SEL1L3: variants seen among roughly 807,000 people sequenced by gnomAD.
SEL1L3 encodes the protein protein sel-1 homolog 3.
In SEL1L3, 76 loss-of-function variants were observed where a neutral mutation model predicts 142.8. The observed-to-expected ratio is 0.53, with a 90% confidence interval of 0.44 to 0.64. The LOEUF (loss-of-function observed/expected upper bound fraction) is 0.64, where lower values mean the gene tolerates loss of function less well. Among genes scored for constraint, SEL1L3 ranks in the 30% least tolerant of loss-of-function variants. The pLI, the probability that SEL1L3 is intolerant of heterozygous loss-of-function variation, is 0.00. For synonymous variants in SEL1L3, 504 were observed against 519.6 expected (o/e 0.97, Z 0.41); for missense variants, 1,262 against 1,381.7 (o/e 0.91, Z 1.37).
chr4:25,800,255 A>C lies in SEL1L3; in HGVS notation c.1956+2028T>G, dbSNP rs535038472. ...CTGGTGAATTAATAGATTTCTCAAC[A>C]AAAGGACATTTAAATCAACATATGA... On this transcript the variant is annotated intron_variant, in intron 11 of 23. Transcript: ENST00000399878. Among the ~76,000 whole-genome samples the C allele has an allele frequency of 1.5e-4, 23 of 152,352 alleles. No individual in the cohort carries two copies. The East Asian group carries it at 4.2e-3, about 28-fold the overall frequency.
At chr4:25,726,125 A>G in the SEL1L3 span, among the ~76,000 whole-genome samples, 1 of 151,974 alleles carries the variant, frequency 6.6e-6, no homozygotes, top group South Asian at 2.1e-4. Context: ...AGGTCAGAGT[A>G]TCAGTTCTCA....
intron 1 of SEL1L3, among the ~76,000 whole-genome samples, chr4:25,851,039 T>TG (rs1441221117): frequency 6.6e-6 from 1 of 151,998 alleles, no homozygotes; most frequent in Non-Finnish European, 1.5e-5. Context: ...TTAGTAGAGA[T>TG]GGGGTTTCAC....
intron 2 of SEL1L3, among the ~76,000 whole-genome samples, chr4:25,839,288 A>G (rs1716023471): frequency 6.6e-6 from 1 of 152,238 alleles, no homozygotes; most frequent in South Asian, 2.1e-4. Context: ...TTCCTAAGGA[A>G]GTCTGTGGAA....
At chr4:25,776,140 G>T (rs1719606499) in intron 17 of SEL1L3, 137 bp downstream of exon 17, 2 of 603,000 alleles carry the variant, frequency 3.3e-6, no homozygotes, top group Non-Finnish European at 6.0e-6. Flanking sequence ...ATCAGTCCAT[G>T]ATACTCTGAA....
At chr4:25,752,001 C>T (rs751262230) in intron 23 of SEL1L3, among the ~76,000 whole-genome samples, 1 of 150,452 alleles carries the variant, frequency 6.6e-6, no homozygotes, top group Non-Finnish European at 1.5e-5. Flanking sequence ...CTCAGCTACT[C>T]AGGAGGCTGA....
intron 20 of SEL1L3, among the ~76,000 whole-genome samples, chr4:25,764,026 T>C (rs888264899): frequency 6.6e-6 from 1 of 152,134 alleles, no homozygotes; most frequent in Non-Finnish European, 1.5e-5. Context: ...GGATTCCAAG[T>C]AGCAAATGTA....
the SEL1L3 span, among the ~76,000 whole-genome samples, chr4:25,735,008 T>C: frequency 6.6e-6 from 1 of 152,200 alleles, no homozygotes. Context: ...TTTCTGAGTT[T>C]GTGTACAGTT....
intron 11 of SEL1L3, among the ~76,000 whole-genome samples, 169 bp downstream of exon 11, chr4:25,802,114 G>A (rs894810018): frequency 2.6e-5 from 4 of 152,194 alleles, no homozygotes; most frequent in African/African-American, 9.7e-5. Flanking sequence ...CATTCAGCCT[G>A]AGAACACAGC....
chr4:25,770,937 G>A (rs1049657562), intron 17 of SEL1L3, among the ~76,000 whole-genome samples: 6 of 152,196 alleles, frequency 3.9e-5, no homozygotes, highest in Non-Finnish European at 8.8e-5. Flanking sequence ...AAACTTCTGA[G>A]ACAATGCCTC....
At chr4:25,804,434 G>A (rs151327485) in intron 10 of SEL1L3, 107 bp downstream of exon 10, 1 of 786,738 alleles carries the variant, frequency 1.3e-6, no homozygotes. Flanking sequence ...GATTTTTAAA[G>A]GTCTCCAAGG....
intron 23 of SEL1L3, among the ~76,000 whole-genome samples, chr4:25,749,295 G>C (rs1717437171): frequency 6.6e-6 from 1 of 151,918 alleles, no homozygotes; most frequent in African/African-American, 2.4e-5. Flanking sequence ...AAGTACTAAG[G>C]CATGTATTTT....
Position 25,862,861 on chromosome 4 carries a change from G to C in SEL1L3, c.-25C>G, listed in dbSNP as rs1428720455. On this transcript the variant is annotated 5_prime_UTR_variant, in exon 1 of 24. Transcript: ENST00000399878. ...TGGCGAGGCCGCCCGGATCCGGGCC[G>C]GAACAGGTCACCTGGTGCAGGGACC... 9.2e-7 allele frequency: 1 copy of C among 1,086,646 alleles called. No homozygotes were observed. Among genetic ancestry groups the C allele is most frequent in the African/African-American group, 1.7e-5 (1 of 59,412 alleles). 67.3% of individuals were successfully genotyped at this position (1,086,646 alleles called of 1,614,324 possible). A position where few individuals can be genotyped will look rare whatever the true frequency, so the allele number is the denominator to read the frequency against.
At chr4:25,723,787 T>C in the SEL1L3 span, among the ~76,000 whole-genome samples, 1 of 152,176 alleles carries the variant, frequency 6.6e-6, no homozygotes, top group African/African-American at 2.4e-5. Flanking sequence ...TCAGCACCTA[T>C]TGATCGACTC....
intron 13 of SEL1L3, among the ~76,000 whole-genome samples, chr4:25,787,734 G>GAC (rs1206712175): frequency 6.6e-6 from 1 of 152,182 alleles, no homozygotes; most frequent in Non-Finnish European, 1.5e-5. Flanking sequence ...TGACTCCAAG[G>GAC]ACATACCTGA....
chr4:25,782,143 G>A (rs1720043421), intron 15 of SEL1L3, 99 bp downstream of exon 15: 2 of 1,030,920 alleles, frequency 1.9e-6, no homozygotes, highest in Non-Finnish European at 1.5e-6. Flanking sequence ...GACAGGGACT[G>A]TGTCTGGGGT....
intron 23 of SEL1L3, among the ~76,000 whole-genome samples, chr4:25,749,185 G>A (rs771187893): frequency 6.6e-6 from 1 of 152,058 alleles, no homozygotes; most frequent in African/African-American, 2.4e-5. Context: ...CCCGGGCCTC[G>A]GTTTCATCAC....
chr4:25,748,278 T>G lies in SEL1L3; in HGVS notation c.*147A>C, dbSNP rs894086525. 7 of 757,602 alleles carry G rather than the reference T, an allele frequency of 9.2e-6. No homozygotes were observed. Among genetic ancestry groups the G allele is most frequent in the South Asian group, 1.9e-5 (1 of 52,314 alleles). The allele number at this position is 757,602 out of a possible 1,614,324, so 46.9% of individuals were successfully genotyped here. A position where few individuals can be genotyped will look rare whatever the true frequency, so the allele number is the denominator to read the frequency against. On this transcript the variant is annotated 3_prime_UTR_variant, in exon 24 of 24. Transcript: ENST00000399878. ...TCTGGGTACTTCCTTGTAATTTGAC[T>G]TTAAAAAAAATGACACCAATTGCAA...
At chr4:25,732,416 C>T in the SEL1L3 span, among the ~76,000 whole-genome samples, 1 of 152,164 alleles carries the variant, frequency 6.6e-6, no homozygotes, top group Non-Finnish European at 1.5e-5. Context: ...GAAGAAACTG[C>T]CAAACTCTGT....
the SEL1L3 span, among the ~76,000 whole-genome samples, chr4:25,740,147 C>T: frequency 6.6e-6 from 1 of 151,230 alleles, no homozygotes; most frequent in Non-Finnish European, 1.5e-5. Context: ...AATCTAGTTC[C>T]TAGTGGCCGG....
Sources: gnomAD v4.1 joint callset for allele counts (sites outside exome capture counted in the v4.1 genomes callset) on GRCh38, gnomAD v4.1.1 for gene constraint, MANE v1.5 for transcripts, NCBI Gene and HGNC (gene_info 2026-07-23, HGNC 2026-07-21) for gene names.